The following RAB6A variants were observed in gnomAD, a reference collection of about 807,000 sequenced individuals.
The protein encoded by RAB6A is ras-related protein Rab-6A.
A neutral mutation model predicts 32.3 loss-of-function variants in RAB6A; 8 were observed. The ratio of observed to expected loss-of-function variants is 0.25; its 90% CI spans 0.15 to 0.45. The LOEUF (loss-of-function observed/expected upper bound fraction) is 0.45. Among genes scored for constraint, RAB6A ranks in the 20% least tolerant of loss-of-function variants. The pLI, the probability that RAB6A is intolerant of heterozygous loss-of-function variation, is 1.00. For synonymous variants in RAB6A, 73 were observed against 82.1 expected (o/e 0.89, Z 0.60); for missense variants, 104 against 249.4 (o/e 0.42, Z 3.93).
At chr11:73,745,953 C>T (rs1294397594) in intron 1 of RAB6A, among the ~76,000 whole-genome samples, 2 of 151,634 alleles carry the variant, frequency 1.3e-5, no homozygotes, top group East Asian at 3.9e-4. Context: ...TGAGCTGAGA[C>T]TGCGCCACTG....
chr11:73,724,995 T>A (rs573642403), intron 2 of RAB6A, among the ~76,000 whole-genome samples: 1 of 152,192 alleles, frequency 6.6e-6, no homozygotes, highest in African/African-American at 2.4e-5. Context: ...ATGTTGAGAA[T>A]GACAAATGCC....
At chr11:73,702,575 T>C (rs553830253) in intron 6 of RAB6A, among the ~76,000 whole-genome samples, 44 of 152,188 alleles carry the variant, frequency 2.9e-4, no homozygotes, top group Non-Finnish European at 4.9e-4. Flanking sequence ...TTCAATAAGA[T>C]AGACCATATG....
intron 2 of RAB6A, among the ~76,000 whole-genome samples, chr11:73,721,540 G>A (rs1237595680): frequency 6.6e-6 from 1 of 151,878 alleles, no homozygotes; most frequent in African/African-American, 2.4e-5. Flanking sequence ...GAAATAATAA[G>A]AGAATAGAAA....
intron 5 of RAB6A, among the ~76,000 whole-genome samples, chr11:73,710,261 C>T (rs1428208242): frequency 2.7e-5 from 4 of 150,920 alleles, no homozygotes; most frequent in African/African-American, 4.9e-5. Context: ...CCACCGCGCC[C>T]GGCCCCCATG....
At chr11:73,717,216 T>C (rs745499760) in intron 4 of RAB6A, among the ~76,000 whole-genome samples, 1 of 152,246 alleles carries the variant, frequency 6.6e-6, no homozygotes, top group Non-Finnish European at 1.5e-5. Context: ...GCCAGCACAA[T>C]TATTCGTTAT....
At chr11:73,752,920 AAATG>A (rs1237275246) in intron 1 of RAB6A, among the ~76,000 whole-genome samples, 1 of 152,042 alleles carries the variant, frequency 6.6e-6, no homozygotes, top group African/African-American at 2.4e-5. Context: ...AAGCTTAAGG[AAATG>A]AAAGAGACCA....
At chr11:73,684,283 C>T (rs1407552304) in intron 6 of RAB6A, among the ~76,000 whole-genome samples, 3 of 152,020 alleles carry the variant, frequency 2.0e-5, no homozygotes, top group Admixed American at 2.0e-4. Context: ...ATTCTCCTGC[C>T]TCAGCCTCCT....
intron 1 of RAB6A, among the ~76,000 whole-genome samples, chr11:73,734,439 T>C (rs1029863922): frequency 3.9e-5 from 6 of 152,042 alleles, no homozygotes; most frequent in Middle Eastern, 3.4e-3. Flanking sequence ...TTATCCAGTT[T>C]AATAGTGAGA....
intron 6 of RAB6A, among the ~76,000 whole-genome samples, chr11:73,701,694 C>T (rs1176048878): frequency 6.6e-6 from 1 of 152,146 alleles, no homozygotes; most frequent in Non-Finnish European, 1.5e-5. Flanking sequence ...TGCTCTATTG[C>T]TCAGGCTGGA....
chr11:73,713,709 GCC>G (rs1259598326), intron 5 of RAB6A, among the ~76,000 whole-genome samples: 1 of 151,914 alleles, frequency 6.6e-6, no homozygotes, highest in Non-Finnish European at 1.5e-5. Flanking sequence ...GCTTATAAAA[GCC>G]CAAAATATAA....
rs754270726 is a variant in RAB6A, at chr11:73,718,680, C to T, written c.222G>A (p.Arg74=). The change falls in exon 4 of 8, where the codon CGG becomes CGA. Residue 74 remains arginine (R), a synonymous_variant. Transcript: ENST00000336083. ...TGTAGCTAGGAATCAAGCTCCTGAA[C>T]CGCTCTTGACCTGCTGTGTCCCATA... is the stretch of plus-strand genomic sequence containing the variant. ...LQLWDTAGQE[R]FRSLIPSYIR... is the part of the protein sequence containing the mutation. 5.6e-6 allele frequency: 9 copies of T among 1,614,102 alleles called. No homozygotes were observed. In the South Asian group the frequency reaches 8.8e-5, roughly 16 times the overall value.
chr11:73,713,923 G>C (rs2134936242), intron 5 of RAB6A, among the ~76,000 whole-genome samples: 1 of 152,086 alleles, frequency 6.6e-6, no homozygotes, highest in Non-Finnish European at 1.5e-5. Context: ...GGGCTTGTTG[G>C]CTCATGCCTG....
At chr11:73,760,446 C>T in intron 1 of RAB6A, 120 bp downstream of exon 1, 1 of 1,316,058 alleles carries the variant, frequency 7.6e-7, no homozygotes, top group Non-Finnish European at 1.0e-6. Flanking sequence ...GGAAGGGCTG[C>T]GGTGGCAACG....
At chr11:73,731,393 C>T (rs1028160950) in intron 1 of RAB6A, among the ~76,000 whole-genome samples, 20 of 151,342 alleles carry the variant, frequency 1.3e-4, no homozygotes, top group African/African-American at 4.9e-4. Context: ...AAATACAAAA[C>T]TTAGCTGGGC....
intron 6 of RAB6A, among the ~76,000 whole-genome samples, chr11:73,683,299 A>G (rs540207244): frequency 7.8e-4 from 110 of 141,394 alleles, no homozygotes; most frequent in Non-Finnish European, 1.3e-3. Context: ...TCTGTCACCC[A>G]AGCTGGAGTG....
chr11:73,717,734 G>A, intron 4 of RAB6A, among the ~76,000 whole-genome samples: 1 of 152,238 alleles, frequency 6.6e-6, no homozygotes, highest in Non-Finnish European at 1.5e-5. Context: ...GTGAGCCACT[G>A]TGCCCGGCCT....
In RAB6A at chr11:73,675,778, A is replaced by G. The variant is rs1209333222; in HGVS notation, c.*2120T>C. The G allele has an allele frequency of 6.0e-6, 1 of 165,868 alleles. No individual in the cohort carries two copies. Among genetic ancestry groups the G allele is most frequent in the East Asian group, 1.9e-4 (1 of 5,210 alleles). The allele number at this position is 165,868 out of a possible 1,614,324, so 10.3% of individuals were successfully genotyped here. On this transcript the variant is annotated 3_prime_UTR_variant, in exon 8 of 8. Coordinates refer to ENST00000336083, the MANE Select transcript of RAB6A (RefSeq NM_198896.2). ...AAGACCAATCAATATTAAAAGCAGT[A>G]TAACTGGTTACTTTCTTAAAAATAC...
At chr11:73,708,773 A>C (rs575581145) in intron 5 of RAB6A, among the ~76,000 whole-genome samples, 1 of 152,170 alleles carries the variant, frequency 6.6e-6, no homozygotes, top group Non-Finnish European at 1.5e-5. Flanking sequence ...ATGGAAGAGA[A>C]TTTCCACAAG....
intron 1 of RAB6A, among the ~76,000 whole-genome samples, chr11:73,736,919 A>T (rs1387242948): frequency 1.3e-5 from 2 of 150,432 alleles, no homozygotes; most frequent in Non-Finnish European, 3.0e-5. Context: ...TCAAAGCTAC[A>T]ATGAACCGTG....
Sources: allele counts gnomAD v4.1 joint callset (sites outside exome capture counted in the v4.1 genomes callset), GRCh38; gene constraint gnomAD v4.1.1; transcripts MANE v1.5; gene names NCBI Gene and HGNC (gene_info 2026-07-23, HGNC 2026-07-21).